Variants in FCHSD2 observed in about 807,000 individuals in gnomAD.
FCHSD2 encodes FCH and double SH3 domains 2.
Under a neutral mutation model 108.1 loss-of-function variants are expected in FCHSD2, and 38 were observed. The ratio of observed to expected loss-of-function variants is 0.35; its 90% confidence interval spans 0.27 to 0.46. FCHSD2 has a LOEUF of 0.46. FCHSD2 is among the 20% of genes least tolerant of loss of function. The pLI is 1.00. For missense variants in FCHSD2, 751 were observed against 897.8 expected (o/e 0.84, Z 2.09); for synonymous variants, 279 against 314.7 (o/e 0.89, Z 1.20).
chr11:72,922,500 C>A (rs1407646289), intron 8 of FCHSD2, among the ~76,000 whole-genome samples: 2 of 151,870 alleles, frequency 1.3e-5, no homozygotes, highest in East Asian at 3.9e-4. Context: ...TGGAAACATT[C>A]TTATTTCCTT....
chr11:73,101,017 G>A (rs1321973978), intron 2 of FCHSD2, among the ~76,000 whole-genome samples: 2 of 152,046 alleles, frequency 1.3e-5, no homozygotes, highest in Non-Finnish European at 2.9e-5. Flanking sequence ...CCCAAAATGT[G>A]CTTATGCTTC....
chr11:72,851,074 C>A (rs1351954893), intron 13 of FCHSD2, among the ~76,000 whole-genome samples: 4 of 118,082 alleles, frequency 3.4e-5, no homozygotes, highest in African/African-American at 1.3e-4. Context: ...TGCACTACAG[C>A]TGGGGCGACA....
chr11:72,967,642 G>C (rs566579881), intron 8 of FCHSD2, among the ~76,000 whole-genome samples: 116 of 152,152 alleles, frequency 7.6e-4, no homozygotes, highest in Admixed American at 1.2e-3. Context: ...AGCCAATGGG[G>C]TATAGAGCTT....
chr11:73,128,011 C>CAAAAAAAAAAAAAAAA (rs1340416463), intron 2 of FCHSD2, among the ~76,000 whole-genome samples: 1 of 69,644 alleles, frequency 1.4e-5, no homozygotes, highest in Non-Finnish European at 2.9e-5. Flanking sequence ...AAGACCATCT[C>CAAAAAAAAAAAAAAAA]AAAAAAAAAA....
At chr11:72,979,166 T>C (rs902402113) in intron 8 of FCHSD2, among the ~76,000 whole-genome samples, 3 of 152,148 alleles carry the variant, frequency 2.0e-5, no homozygotes, top group African/African-American at 4.8e-5. Context: ...CCACAGGTAG[T>C]TCTTTAAAGC....
chr11:72,838,982 G>C (rs1860819978), intron 19 of FCHSD2, 108 bp from the exon 20 acceptor site: 2 of 910,140 alleles, frequency 2.2e-6, no homozygotes, highest in South Asian at 3.0e-5. Flanking sequence ...CACCCTAGGG[G>C]TCTCAGAAAT....
chr11:72,848,149 T>TA (rs1861195212), intron 14 of FCHSD2, among the ~76,000 whole-genome samples: 1 of 152,182 alleles, frequency 6.6e-6, no homozygotes, highest in South Asian at 2.1e-4. Context: ...GTTAGCTTCT[T>TA]AAAAGTCCAA....
At chr11:72,921,595 T>C (rs1214791432) in intron 9 of FCHSD2, among the ~76,000 whole-genome samples, 1 of 152,216 alleles carries the variant, frequency 6.6e-6, no homozygotes, top group African/African-American at 2.4e-5. Context: ...AATGGGCCAA[T>C]GTTCTAAGCT....
At chr11:73,017,335 A>G (rs559021788) in intron 3 of FCHSD2, among the ~76,000 whole-genome samples, 2 of 152,300 alleles carry the variant, frequency 1.3e-5, no homozygotes, top group East Asian at 3.9e-4. Flanking sequence ...AACAGGGCCT[A>G]ATGTAATGGT....
chr11:73,116,684 C>T (rs765513656), intron 2 of FCHSD2, among the ~76,000 whole-genome samples: 16 of 152,104 alleles, frequency 1.1e-4, no homozygotes, highest in African/African-American at 3.9e-4. Context: ...TACAGGCATA[C>T]ACCACCATGC....
At chr11:72,964,572 C>A (rs1173154955) in intron 8 of FCHSD2, among the ~76,000 whole-genome samples, 1 of 152,084 alleles carries the variant, frequency 6.6e-6, no homozygotes, top group Non-Finnish European at 1.5e-5. Flanking sequence ...TAGCAGAGTT[C>A]CTGACATACA....
chr11:72,985,357 C>CAAAAAAA (rs35241897), intron 6 of FCHSD2, among the ~76,000 whole-genome samples: 1 of 47,394 alleles, frequency 2.1e-5, no homozygotes, highest in Non-Finnish European at 4.6e-5. Context: ...CCAGAATGAC[C>CAAAAAAA]AAAAAAAAAA....
chr11:73,030,315 C>G (rs916309711), intron 3 of FCHSD2, among the ~76,000 whole-genome samples: 4 of 151,978 alleles, frequency 2.6e-5, no homozygotes, highest in African/African-American at 9.7e-5. Context: ...AGAGAAAGTT[C>G]CTGTCTTGTT....
chr11:72,974,018 CA>C (rs1368135916), intron 8 of FCHSD2, among the ~76,000 whole-genome samples: 1 of 136,202 alleles, frequency 7.3e-6, no homozygotes, highest in East Asian at 2.2e-4. Context: ...CAAATATAAC[CA>C]AGTGGTTACT....
chr11:72,901,042 A>T (rs1168929377), intron 10 of FCHSD2, among the ~76,000 whole-genome samples: 2 of 152,234 alleles, frequency 1.3e-5, no homozygotes, highest in African/African-American at 4.8e-5. Flanking sequence ...TAAAAATTTA[A>T]ATAATGGCAA....
chr11:72,934,441 C>T (rs952768490), intron 8 of FCHSD2, among the ~76,000 whole-genome samples: 31 of 151,056 alleles, frequency 2.1e-4, no homozygotes, highest in African/African-American at 7.1e-4. Flanking sequence ...AGAGATTCTT[C>T]TGGCTCAGCC....
intron 8 of FCHSD2, among the ~76,000 whole-genome samples, chr11:72,976,969 A>G (rs1404757302): frequency 6.6e-6 from 1 of 150,876 alleles, no homozygotes; most frequent in African/African-American, 2.4e-5. Flanking sequence ...TCTGTTGCCC[A>G]GGCTGGAGTG....
intron 8 of FCHSD2, among the ~76,000 whole-genome samples, chr11:72,972,531 T>C (rs990090581): frequency 2.0e-5 from 3 of 152,166 alleles, no homozygotes; most frequent in African/African-American, 7.2e-5. Flanking sequence ...CCAAATAACT[T>C]CCCTTTTATC....
At chr11:72,978,256 A>C (rs979209345) in intron 8 of FCHSD2, among the ~76,000 whole-genome samples, 1 of 152,120 alleles carries the variant, frequency 6.6e-6, no homozygotes, top group Non-Finnish European at 1.5e-5. Flanking sequence ...ACATGTATAC[A>C]TATGTAACAA....
Sources: allele counts gnomAD v4.1 joint callset (sites outside exome capture counted in the v4.1 genomes callset), GRCh38; gene constraint gnomAD v4.1.1; transcripts MANE v1.5; gene names NCBI Gene and HGNC (gene_info 2026-07-23, HGNC 2026-07-21).